The following SMURF2 variants were observed in gnomAD, a reference collection of about 807,000 sequenced individuals.
SMURF2 encodes SMAD specific E3 ubiquitin protein ligase 2.
Under a neutral mutation model 109.6 loss-of-function variants are expected in SMURF2, and 48 were observed. The observed-to-expected ratio is 0.44, with a 90% CI of 0.35 to 0.56. SMURF2 has a LOEUF of 0.56. SMURF2 is among the 20% of genes least tolerant of loss of function. The probability of loss-of-function intolerance (pLI) is 0.01; values close to 1 mark genes in which losing one functional copy is unlikely to be tolerated. For synonymous variants in SMURF2, 288 were observed against 317.1 expected, an observed-to-expected ratio of 0.91 and a Z score of 0.97; for missense variants, 575 against 909.0, an observed-to-expected ratio of 0.63 and a Z score of 4.72.
intron 1 of SMURF2, among the ~76,000 whole-genome samples, chr17:64,643,680 AT>A (rs1222829759): frequency 1.3e-5 from 2 of 152,048 alleles, no homozygotes; most frequent in Non-Finnish European, 2.9e-5. Context: ...TTCCCATACC[AT>A]TGTAAATACC....
chr17:64,547,501 A>C lies in SMURF2; in HGVS notation c.2071+99T>G, dbSNP rs781922036. ...GTCACAGATAAGAAGTGAAAAAGAG[A>C]ATCTCTAAGCACATGGTTTACAAAA... is the stretch of plus-strand genomic sequence containing the variant. On this transcript the variant is annotated intron_variant, in intron 17 of 18. Transcript: ENST00000262435. The surrounding 1 kb of genome is among the most constrained non-coding windows in gnomAD (Gnocchi z 4.2). 2.7e-5 allele frequency: 26 copies of C among 963,638 alleles called. No homozygotes were observed. The highest frequency in any genetic ancestry group is 3.9e-5 in the Non-Finnish European group (24 of 622,182). The allele number at this position is 963,638 out of a possible 1,614,324, so 59.7% of individuals were successfully genotyped here. A position where few individuals can be genotyped will look rare whatever the true frequency, so the allele number is the denominator to read the frequency against.
At chr17:64,571,671 G>T (rs782751463) in intron 10 of SMURF2, 127 bp downstream of exon 10, 3 of 949,256 alleles carry the variant, frequency 3.2e-6, no homozygotes, top group Middle Eastern at 3.4e-4. Flanking sequence ...CTGCTGCCAC[G>T]GCCTCCCAAA....
Position 64,547,912 on chromosome 17 carries a change from T to C in SMURF2, c.1870-111A>G. ...CTGGCTGTCATTTGGTGGTTCCTAA[T>C]TAAAGATGCACATCAGAATCATCTG... On this transcript the variant is annotated intron_variant, in intron 16 of 18. Coordinates refer to ENST00000262435, the MANE Select transcript of SMURF2 (RefSeq NM_022739.4). The surrounding 1 kb of genome is among the most constrained non-coding windows in gnomAD (Gnocchi z 4.2). The C allele has an allele frequency of 1.2e-6, 1 of 837,646 alleles. No homozygotes were observed. The highest frequency in any genetic ancestry group is 1.6e-5 in the South Asian group (1 of 63,086). The allele number at this position is 837,646 out of a possible 1,614,324, so 51.9% of individuals were successfully genotyped here.
In SMURF2 at chr17:64,546,415, T is replaced by TA. The variant is rs1169419654; in HGVS notation, c.2072-78dup. On this transcript the variant is annotated intron_variant, in intron 17 of 18. Transcript: ENST00000262435. The stretch of plus-strand genomic sequence containing the variant: ...TCCAAAATCTTAAGAATAAAACTGG[T>TA]AAGTTAACCACAGGATCTGGGGATA... 1.2e-4 allele frequency: 153 copies of TA among 1,277,436 alleles called. 1 individual carries two copies. The East Asian group carries it at 3.7e-3, about 31-fold the overall frequency. 79.1% of individuals were successfully genotyped at this position (1,277,436 alleles called of 1,614,324 possible). A position where few individuals can be genotyped will look rare whatever the true frequency, so the allele number is the denominator to read the frequency against.
intron 2 of SMURF2, among the ~76,000 whole-genome samples, chr17:64,599,685 T>C (rs1296214776): frequency 2.0e-5 from 3 of 152,182 alleles, no homozygotes; most frequent in Non-Finnish European, 4.4e-5. Flanking sequence ...GTGCGCTCCT[T>C]ATGAGAATCT....
chr17:64,613,252 T>C (rs1970070242), intron 1 of SMURF2, among the ~76,000 whole-genome samples: 1 of 152,316 alleles, frequency 6.6e-6, no homozygotes, highest in East Asian at 1.9e-4. Context: ...AAAGAATCCA[T>C]GAATTTCAAT....
intron 1 of SMURF2, among the ~76,000 whole-genome samples, chr17:64,637,251 CAAGT>C (rs1970429690): frequency 6.6e-6 from 1 of 151,804 alleles, no homozygotes; most frequent in Admixed American, 6.6e-5. Context: ...CTCAGCCTCC[CAAGT>C]AAGTGAGATT....
intron 1 of SMURF2, among the ~76,000 whole-genome samples, chr17:64,640,124 C>A (rs1970475352): frequency 6.6e-6 from 1 of 152,090 alleles, no homozygotes; most frequent in Non-Finnish European, 1.5e-5. Flanking sequence ...TTTTTCTATA[C>A]ATCTAAAAGT....
intron 12 of SMURF2, 91 bp from the exon 13 acceptor site, chr17:64,557,813 T>C: frequency 1.5e-6 from 1 of 660,284 alleles, no homozygotes; most frequent in Non-Finnish European, 2.5e-6. Context: ...AGCAAATAAT[T>C]ATTTAAATTA....
At chr17:64,573,232 G>A (rs1598277275) in intron 9 of SMURF2, among the ~76,000 whole-genome samples, 1 of 31,628 alleles carries the variant, frequency 3.2e-5, no homozygotes, top group Non-Finnish European at 5.3e-5. Flanking sequence ...GGAGGAGGAG[G>A]AGGGGAGGAG....
intron 1 of SMURF2, among the ~76,000 whole-genome samples, chr17:64,637,542 T>C (rs1970433052): frequency 6.6e-6 from 1 of 151,978 alleles, no homozygotes; most frequent in Non-Finnish European, 1.5e-5. Flanking sequence ...CATGTGGAAA[T>C]CCAGTTGGTC....
intron 3 of SMURF2, among the ~76,000 whole-genome samples, chr17:64,595,406 T>C (rs1228088342): frequency 2.6e-5 from 4 of 152,190 alleles, no homozygotes; most frequent in Admixed American, 6.5e-5. Flanking sequence ...TAATATAACA[T>C]ACATGGCAAC....
At chr17:64,615,379 A>G (rs1402345521) in intron 1 of SMURF2, among the ~76,000 whole-genome samples, 2 of 152,236 alleles carry the variant, frequency 1.3e-5, no homozygotes, top group Admixed American at 6.5e-5. Flanking sequence ...ATTTCTCTGC[A>G]TGTGCTTTAA....
intron 1 of SMURF2, among the ~76,000 whole-genome samples, chr17:64,651,574 A>G (rs1483862810): frequency 7.3e-5 from 8 of 108,968 alleles, no homozygotes; most frequent in African/African-American, 3.5e-4. Flanking sequence ...CCTACCTCAG[A>G]AAAAAAAAAA....
intron 1 of SMURF2, among the ~76,000 whole-genome samples, chr17:64,659,140 AGAGT>A (rs2144742852): frequency 1.3e-5 from 2 of 152,222 alleles, no homozygotes; most frequent in South Asian, 4.1e-4. Context: ...TTCTTCAGAG[AGAGT>A]GTGTATGAGT....
intron 5 of SMURF2, among the ~76,000 whole-genome samples, chr17:64,588,152 T>A (rs1163202351): frequency 1.4e-5 from 2 of 143,864 alleles, no homozygotes; most frequent in African/African-American, 2.6e-5. Flanking sequence ...AAATTCAGTA[T>A]AATCTCCTCT....
chr17:64,545,883 C>G lies in SMURF2; in HGVS notation c.2212G>C (p.Ala738Pro). ...YEKLYEKLLTAIEETCGFAVE is the reference protein window; with the variant it reads ...YEKLYEKLLTPIEETCGFAVE ...GCAAATCCACATGTTTCTTCAATGG[C>G]TGTTAGCAGCTTTTCATATAGCTTT... is the stretch of plus-strand genomic sequence containing the variant. Residue 738 changes from alanine to proline, a missense_variant, in exon 19 of 19, where the codon GCC (alanine) becomes CCC (proline). Ala to Pro is a conservative substitution (Grantham distance 27). This residue lies in a region of SMURF2 where 361 missense variants were observed against 612.1 expected (regional missense o/e 0.59). Coordinates refer to ENST00000262435, the MANE Select transcript of SMURF2 (RefSeq NM_022739.4). The G allele has an allele frequency of 6.2e-7, 1 of 1,611,880 alleles. No individual in the cohort carries two copies. Among genetic ancestry groups the G allele is most frequent in the Non-Finnish European group, 8.5e-7 (1 of 1,178,086 alleles).
chr17:64,618,804 A>G (rs1449330794), intron 1 of SMURF2, among the ~76,000 whole-genome samples: 1 of 152,194 alleles, frequency 6.6e-6, no homozygotes, highest in Non-Finnish European at 1.5e-5. Flanking sequence ...GGCCACTCCC[A>G]AGTTTCCTTC....
chr17:64,563,310 C>G (rs1555684705), intron 10 of SMURF2: 1 of 171,362 alleles, frequency 5.8e-6, no homozygotes, highest in African/African-American at 2.4e-5. Context: ...TGCTTGTTAT[C>G]TAGACTCTTT....
Sources: allele counts gnomAD v4.1 joint callset (sites outside exome capture counted in the v4.1 genomes callset), GRCh38; gene constraint gnomAD v4.1.1; regional missense constraint gnomAD v4.1.1; non-coding constraint Gnocchi (gnomAD v3.1); transcripts MANE v1.5; gene names NCBI Gene and HGNC (gene_info 2026-07-23, HGNC 2026-07-21).